Variants in VDR observed in about 807,000 individuals in gnomAD.
The protein encoded by VDR is vitamin D3 receptor.
Under a neutral mutation model 39.7 loss-of-function variants are expected in VDR, and 19 were observed. That is an observed-to-expected ratio of 0.48 (90% CI 0.33 to 0.70). The LOEUF (loss-of-function observed/expected upper bound fraction) is 0.70. Among genes scored for constraint, VDR ranks in the 30% least tolerant of loss-of-function variants. The pLI, the probability that VDR is intolerant of heterozygous loss-of-function variation, is 0.02. For synonymous variants in VDR, 242 were observed against 215.8 expected (o/e 1.12, Z -1.07); for missense variants, 442 against 570.5 (o/e 0.77, Z 2.29).
intron 4 of VDR, among the ~76,000 whole-genome samples, chr12:47,858,092 G>A (rs1945532369): frequency 6.6e-6 from 1 of 151,760 alleles, no homozygotes; most frequent in Non-Finnish European, 1.5e-5. Flanking sequence ...GTGTGTCTGT[G>A]TGTGTTGACA....
At chr12:47,858,078 GTGTGTGTGTC>G (rs201222055) in intron 4 of VDR, among the ~76,000 whole-genome samples, 1,628 of 151,872 alleles carry the variant, frequency 0.011, 35 homozygotes, top group African/African-American at 0.037. Flanking sequence ...TAAAGTGTGT[GTGTGTGTGTC>G]TGTGTGTGTT....
chr12:47,873,949 G>C (rs1056019564), intron 3 of VDR, among the ~76,000 whole-genome samples: 1 of 152,200 alleles, frequency 6.6e-6, no homozygotes, highest in African/African-American at 2.4e-5. Flanking sequence ...CACTGGCCCT[G>C]TATAACCCAA....
chr12:47,890,704 C>T (rs995852694), intron 1 of VDR, among the ~76,000 whole-genome samples: 2 of 152,334 alleles, frequency 1.3e-5, no homozygotes, highest in East Asian at 3.9e-4. Flanking sequence ...ATAAGGGGAG[C>T]TTTCCCACAG....
intron 1 of VDR, among the ~76,000 whole-genome samples, chr12:47,903,886 A>C (rs928988333): frequency 6.6e-6 from 1 of 152,190 alleles, no homozygotes; most frequent in Non-Finnish European, 1.5e-5. Flanking sequence ...CCATTCCATA[A>C]GCACTGCTGT....
chr12:47,843,152 G>A lies in VDR; in HGVS notation c.*1594C>T, dbSNP rs1592091603. On this transcript the variant is annotated 3_prime_UTR_variant, in exon 10 of 10. Coordinates refer to ENST00000549336, the MANE Select transcript of VDR (RefSeq NM_000376.3). ...TATATGCTATTCTGCAGTAAGGAACGTGGCTTTCAGATGTTTTTCCACCTG... is the reference window on the plus strand; with the variant it reads ...TATATGCTATTCTGCAGTAAGGAACATGGCTTTCAGATGTTTTTCCACCTG... 1 of 152,326 alleles carries A rather than the reference G, an allele frequency of 6.6e-6. No individual in the cohort carries two copies. Among genetic ancestry groups the A allele is most frequent in the Non-Finnish European group, 1.5e-5 (1 of 68,014 alleles). 9.4% of individuals were successfully genotyped at this position (152,326 alleles called of 1,614,324 possible).
intron 4 of VDR, among the ~76,000 whole-genome samples, chr12:47,863,892 C>T (rs765596011): frequency 5.3e-5 from 8 of 152,186 alleles, no homozygotes; most frequent in Non-Finnish European, 7.3e-5. Context: ...ATTTTTTTCC[C>T]ATTAACGGAG....
chr12:47,866,910 C>T (rs1297990234), intron 3 of VDR, among the ~76,000 whole-genome samples: 4 of 152,086 alleles, frequency 2.6e-5, no homozygotes, highest in African/African-American at 7.2e-5. Context: ...GCAGGAGAGT[C>T]GTTTGAACCC....
At chr12:47,884,638 A>T (rs955876077) in intron 1 of VDR, among the ~76,000 whole-genome samples, 1 of 152,066 alleles carries the variant, frequency 6.6e-6, no homozygotes, top group African/African-American at 2.4e-5. Context: ...AGGGAAGGTG[A>T]TTGTCTTTGG....
chr12:47,887,732 C>CT (rs1208206732), intron 1 of VDR, among the ~76,000 whole-genome samples: 1 of 152,260 alleles, frequency 6.6e-6, no homozygotes, highest in Non-Finnish European at 1.5e-5. Context: ...CCTCCTCTGT[C>CT]TGCCACTTGG....
At chr12:47,859,914 CTTCTTTCTTTTTCTTTCT>C (rs1325359051) in intron 4 of VDR, among the ~76,000 whole-genome samples, 1,507 of 54,756 alleles carry the variant, frequency 0.028, 67 homozygotes, top group Non-Finnish European at 0.035. Context: ...TCCTTCCTTC[CTTCTTTCTTTTTCTTTCT>C]TTCTTTCTTT....
chr12:47,857,795 C>T (rs563947382), intron 4 of VDR, 107 bp from the exon 5 acceptor site: 23 of 1,287,424 alleles, frequency 1.8e-5, no homozygotes, highest in South Asian at 5.6e-5. Context: ...CTTTAACACT[C>T]GGGGCTCCCT....
intron 1 of VDR, among the ~76,000 whole-genome samples, chr12:47,886,901 A>G (rs916175648): frequency 6.6e-6 from 1 of 152,210 alleles, no homozygotes; most frequent in African/African-American, 2.4e-5. Context: ...ATAGCTTTCA[A>G]TGGCTCCTCC....
intron 4 of VDR, among the ~76,000 whole-genome samples, chr12:47,862,135 T>A (rs558911045): frequency 1.2e-4 from 18 of 152,258 alleles, no homozygotes; most frequent in Non-Finnish European, 2.4e-4. Flanking sequence ...AATGTGTGGT[T>A]CTGTGCAGGA....
intron 3 of VDR, among the ~76,000 whole-genome samples, chr12:47,870,373 C>T (rs1945825768): frequency 6.6e-6 from 1 of 152,154 alleles, no homozygotes; most frequent in Non-Finnish European, 1.5e-5. Flanking sequence ...ATTTGAGAAA[C>T]AAGAGCTTCA....
Position 47,859,725 on chromosome 12 carries a change from C to G in VDR, c.278-2037G>C, listed in dbSNP as rs11574075. ...TAAGACTCATGGTTAGCACAGTTTT[C>G]AATTCATTACCTATAGACGGAGCCC... On this transcript the variant is annotated intron_variant, in intron 4 of 9. Transcript: ENST00000549336. 8.3e-4 allele frequency among the ~76,000 whole-genome samples: 127 copies of G among 152,300 alleles called. 2 individuals are homozygous for G. Among genetic ancestry groups the G allele is most frequent in the African/African-American group, 3.0e-3 (125 of 41,552 alleles).
chr12:47,853,563 G>A (rs575997805), intron 7 of VDR, among the ~76,000 whole-genome samples: 2 of 152,130 alleles, frequency 1.3e-5, no homozygotes, highest in East Asian at 3.9e-4. Context: ...GACCAGCCTG[G>A]CCAAGATGGT....
Position 47,844,321 on chromosome 12 carries a change from C to G in VDR, c.*425G>C, listed in dbSNP as rs1438954203. 1 of 284,864 alleles carries G rather than the reference C, an allele frequency of 3.5e-6. No individual in the cohort carries two copies. Among genetic ancestry groups the G allele is most frequent in the Non-Finnish European group, 6.8e-6 (1 of 147,576 alleles). 17.6% of individuals were successfully genotyped at this position (284,864 alleles called of 1,614,324 possible). A position where few individuals can be genotyped will look rare whatever the true frequency, so the allele number is the denominator to read the frequency against. On this transcript the variant is annotated 3_prime_UTR_variant, in exon 10 of 10. Transcript: ENST00000549336. The stretch of plus-strand genomic sequence containing the variant: ...TCGTGAGTAGGCAGGAGAGGGAGAC[C>G]CCACTAGGCGCTGGACAAGCGGGGC...
In VDR at chr12:47,844,890, A is replaced by G; in HGVS notation, c.1140T>C (p.Tyr380=). 1 of 1,614,186 alleles carries G rather than the reference A, an allele frequency of 6.2e-7. No individual in the cohort carries two copies. Among genetic ancestry groups the G allele is most frequent in the Non-Finnish European group, 8.5e-7 (1 of 1,180,020 alleles). The change falls in exon 10 of 10, where the codon TAT becomes TAC. Residue 380 remains tyrosine, a synonymous_variant. Transcript: ENST00000549336. ...RHPPPGSHLL[Y]AKMIQKLADL... ...CGGCTAGCTTCTGGATCATCTTGGC[A>G]TAGAGCAGGTGGCTGCCCGGGGGCG...
At chr12:47,868,789 C>A (rs899042605) in intron 3 of VDR, among the ~76,000 whole-genome samples, 92 of 129,018 alleles carry the variant, frequency 7.1e-4, no homozygotes, top group Admixed American at 2.2e-3. Context: ...TGTTTTTCAA[C>A]AACCGGGCAT....
Sources: gnomAD v4.1 joint callset for allele counts (sites outside exome capture counted in the v4.1 genomes callset) on GRCh38, gnomAD v4.1.1 for gene constraint, MANE v1.5 for transcripts, NCBI Gene and HGNC (gene_info 2026-07-23, HGNC 2026-07-21) for gene names.